Variants in EXOC6B observed in about 807,000 individuals in gnomAD.
The protein encoded by EXOC6B is exocyst complex component 6B, also known as SEC15 homolog B.
Under a neutral mutation model 113.5 loss-of-function variants are expected in EXOC6B, and 54 were observed. The observed-to-expected ratio is 0.48, with a 90% confidence interval of 0.38 to 0.60. EXOC6B has a LOEUF of 0.60. Among genes scored for constraint, EXOC6B ranks in the 20% least tolerant of loss-of-function variants. EXOC6B has a pLI of 0.00. For missense variants in EXOC6B, 797 were observed against 977.5 expected, an observed-to-expected ratio of 0.82 and a Z score of 2.46; for synonymous variants, 357 against 339.0, an observed-to-expected ratio of 1.05 and a Z score of -0.58.
chr2:72,626,545 G>A (rs370829718), intron 6 of EXOC6B, among the ~76,000 whole-genome samples: 24 of 152,150 alleles, frequency 1.6e-4, no homozygotes, highest in Admixed American at 9.8e-4. Flanking sequence ...AACAGTAGCC[G>A]CTCCCTTTTC....
chr2:72,313,019 A>G, intron 20 of EXOC6B, among the ~76,000 whole-genome samples: 1 of 152,160 alleles, frequency 6.6e-6, no homozygotes, highest in East Asian at 1.9e-4. Context: ...CCGATTTCTC[A>G]GCCACTTTAT....
intron 11 of EXOC6B, among the ~76,000 whole-genome samples, chr2:72,504,294 A>T (rs559762277): frequency 5.2e-4 from 79 of 152,284 alleles, no homozygotes; most frequent in Middle Eastern, 6.8e-3. Context: ...GATTTCTCTC[A>T]GTCTGTAGCT....
chr2:72,524,235 A>G (rs993549930), intron 8 of EXOC6B, among the ~76,000 whole-genome samples: 4 of 152,046 alleles, frequency 2.6e-5, no homozygotes, highest in African/African-American at 7.3e-5. Context: ...CAGCCCCATA[A>G]TGATGTTCAG....
intron 18 of EXOC6B, chr2:72,464,654 A>C (rs1156982736): frequency 1.3e-5 from 2 of 152,822 alleles, no homozygotes; most frequent in Non-Finnish European, 2.9e-5. Context: ...GAGAAAAAAA[A>C]TCCACCAATA....
At chr2:72,591,548 T>G (rs1705963115) in intron 6 of EXOC6B, among the ~76,000 whole-genome samples, 1 of 152,156 alleles carries the variant, frequency 6.6e-6, no homozygotes, top group African/African-American at 2.4e-5. Context: ...TAGAGACCCA[T>G]TTGAAACTTT....
intron 1 of EXOC6B, among the ~76,000 whole-genome samples, chr2:72,747,934 C>T (rs1350312204): frequency 6.6e-6 from 1 of 151,994 alleles, no homozygotes; most frequent in Non-Finnish European, 1.5e-5. Flanking sequence ...TACTAGAATG[C>T]TAATCTCCTT....
At chr2:72,561,218 T>G (rs1203105667) in intron 7 of EXOC6B, among the ~76,000 whole-genome samples, 1 of 152,046 alleles carries the variant, frequency 6.6e-6, no homozygotes, top group Non-Finnish European at 1.5e-5. Flanking sequence ...GCAAAACACA[T>G]TCTCAAAAGA....
intron 20 of EXOC6B, among the ~76,000 whole-genome samples, chr2:72,246,136 AC>A (rs1211293892): frequency 6.6e-6 from 1 of 151,990 alleles, no homozygotes; most frequent in Admixed American, 6.6e-5. Context: ...CAATCCTCCC[AC>A]CCCAGTCTCC....
At chr2:72,229,092 C>T (rs1281075702) in intron 20 of EXOC6B, among the ~76,000 whole-genome samples, 1 of 152,098 alleles carries the variant, frequency 6.6e-6, no homozygotes, top group Admixed American at 6.6e-5. Flanking sequence ...TCATATCCTT[C>T]ACCCACTTTT....
intron 20 of EXOC6B, among the ~76,000 whole-genome samples, chr2:72,273,836 C>T (rs1684653851): frequency 6.6e-6 from 1 of 151,978 alleles, no homozygotes; most frequent in Non-Finnish European, 1.5e-5. Context: ...TTCAGAAAGG[C>T]CACTTTAGCA....
intron 20 of EXOC6B, among the ~76,000 whole-genome samples, chr2:72,217,463 A>T (rs773740661): frequency 3.9e-5 from 6 of 152,116 alleles, no homozygotes; most frequent in South Asian, 2.1e-4. Flanking sequence ...GCTAGTATTT[A>T]AAAAAAGGTA....
chr2:72,307,034 C>A (rs1307459753), intron 20 of EXOC6B, among the ~76,000 whole-genome samples: 1 of 152,158 alleles, frequency 6.6e-6, no homozygotes, highest in Admixed American at 6.5e-5. Context: ...TTTCCCAAGT[C>A]CATAAAAGCC....
In EXOC6B at chr2:72,443,560, T is replaced by C. The variant is rs751726713; in HGVS notation, c.1980+21600A>G. Among the ~76,000 whole-genome samples the C allele has an allele frequency of 1.3e-4, 20 of 152,240 alleles. 1 individual carries two copies. The highest frequency in any genetic ancestry group is 4.6e-4 in the African/African-American group (19 of 41,538). On this transcript the variant is annotated intron_variant, in intron 18 of 21. Transcript: ENST00000272427. ...ATGTATTAGTTCATTTTCATGCTGC[T>C]GATAAAAACATACCTAAGACTGGAT...
intron 5 of EXOC6B, among the ~76,000 whole-genome samples, chr2:72,723,493 G>T (rs560145187): frequency 1.3e-5 from 2 of 152,164 alleles, no homozygotes; most frequent in South Asian, 4.1e-4. Context: ...CACAGTGATG[G>T]TTTCTAAAAT....
At chr2:72,552,713 C>A (rs1368495786) in intron 8 of EXOC6B, among the ~76,000 whole-genome samples, 1 of 151,790 alleles carries the variant, frequency 6.6e-6, no homozygotes, top group African/African-American at 2.4e-5. Context: ...ATCTAATAAA[C>A]ACAAGGATAT....
chr2:72,278,535 A>G (rs1234587050), intron 20 of EXOC6B, among the ~76,000 whole-genome samples: 1 of 152,202 alleles, frequency 6.6e-6, no homozygotes, highest in African/African-American at 2.4e-5. Flanking sequence ...CTCAATCAAC[A>G]ATCAGCCAAA....
At chr2:72,257,556 C>T (rs1055727665) in intron 20 of EXOC6B, among the ~76,000 whole-genome samples, 6 of 152,058 alleles carry the variant, frequency 3.9e-5, no homozygotes, top group South Asian at 2.1e-4. Context: ...TAATGTTTAC[C>T]GCTAGCTTAA....
chr2:72,606,947 T>A (rs922230325), intron 6 of EXOC6B, among the ~76,000 whole-genome samples: 2 of 152,182 alleles, frequency 1.3e-5, no homozygotes, highest in African/African-American at 4.8e-5. Flanking sequence ...AGATTTGATC[T>A]ACCAAACTTT....
At chr2:72,462,803 T>G (rs1375043380) in intron 18 of EXOC6B, 1 of 152,114 alleles carries the variant, frequency 6.6e-6, no homozygotes, top group Non-Finnish European at 1.5e-5. Context: ...TATTCTTTTT[T>G]TACATTTATT....
Sources: allele counts gnomAD v4.1 joint callset (sites outside exome capture counted in the v4.1 genomes callset), GRCh38; gene constraint gnomAD v4.1.1; transcripts MANE v1.5; gene names NCBI Gene and HGNC (gene_info 2026-07-23, HGNC 2026-07-21).